The following ADD3 variants were observed in gnomAD, a reference collection of about 807,000 sequenced individuals.
ADD3 encodes adducin 3, also known as gamma-adducin.
Under a neutral mutation model 80.2 loss-of-function variants are expected in ADD3, and 25 were observed. The ratio of observed to expected loss-of-function variants is 0.31; its 90% confidence interval spans 0.23 to 0.44. The LOEUF (loss-of-function observed/expected upper bound fraction) is 0.44, where lower values mean the gene tolerates loss of function less well. Among genes scored for constraint, ADD3 ranks in the 20% least tolerant of loss-of-function variants. The probability of loss-of-function intolerance (pLI) is 1.00; values close to 1 mark genes in which losing one functional copy is unlikely to be tolerated. For synonymous variants in ADD3, 284 were observed against 289.6 expected (o/e 0.98, Z 0.20); for missense variants, 829 against 847.5 (o/e 0.98, Z 0.27).
At chr10:110,029,651 A>G (rs1854753161) in intron 1 of ADD3, among the ~76,000 whole-genome samples, 1 of 152,222 alleles carries the variant, frequency 6.6e-6, no homozygotes, top group Non-Finnish European at 1.5e-5. Context: ...TGTTCTTGGA[A>G]ATCAGTCACA....
At chr10:110,063,754 T>TA (rs1843533395) in intron 1 of ADD3, among the ~76,000 whole-genome samples, 1 of 58,538 alleles carries the variant, frequency 1.7e-5, no homozygotes, top group African/African-American at 4.9e-5. Context: ...TATATATATA[T>TA]ATATATATAT....
At chr10:110,037,227 T>C (rs186543840) in intron 1 of ADD3, among the ~76,000 whole-genome samples, 1 of 152,328 alleles carries the variant, frequency 6.6e-6, no homozygotes, top group East Asian at 1.9e-4. Context: ...GTTTCAGTCT[T>C]ACCATGGGTT....
chr10:110,052,856 A>G (rs1351039801), intron 1 of ADD3, among the ~76,000 whole-genome samples: 1 of 152,220 alleles, frequency 6.6e-6, no homozygotes, highest in African/African-American at 2.4e-5. Flanking sequence ...TGAAGTAGAA[A>G]AGGTGAATTT....
chr10:110,040,080 A>G (rs891492608), intron 1 of ADD3, among the ~76,000 whole-genome samples: 3 of 152,170 alleles, frequency 2.0e-5, no homozygotes, highest in African/African-American at 4.8e-5. Context: ...GGGACTACAC[A>G]TGGTTGTGAA....
At position 110,134,266 on chromosome 10, in the gene ADD3, G is replaced by A. The variant is rs1294538169; in HGVS notation, c.*648G>A. 6.6e-6 allele frequency: 1 copy of A among 151,400 alleles called. No individual in the cohort carries two copies. Among genetic ancestry groups the A allele is most frequent in the Non-Finnish European group, 1.5e-5 (1 of 67,876 alleles). The allele number at this position is 151,400 out of a possible 1,614,324, so 9.4% of individuals were successfully genotyped here. ...ACTTCCTTTTTTATTAGTTTAGAAA[G>A]CCCCTTATTTTTCAACAAAGGGGAT... is the stretch of plus-strand genomic sequence containing the variant. On this transcript the variant is annotated 3_prime_UTR_variant, in exon 15 of 15. Coordinates refer to ENST00000356080, the MANE Select transcript of ADD3 (RefSeq NM_016824.5).
intron 1 of ADD3, among the ~76,000 whole-genome samples, chr10:110,024,930 CTTTTT>C (rs769862106): frequency 7.1e-6 from 1 of 141,476 alleles, no homozygotes; most frequent in Non-Finnish European, 1.6e-5. Flanking sequence ...CTCCTCTTTT[CTTTTT>C]TTTTTTTTTG....
chr10:110,058,737 A>G (rs149564743), intron 1 of ADD3, among the ~76,000 whole-genome samples: 10 of 152,150 alleles, frequency 6.6e-5, no homozygotes, highest in Non-Finnish European at 1.3e-4. Context: ...TGAGCCTTTT[A>G]TGTATGTTGA....
intron 1 of ADD3, among the ~76,000 whole-genome samples, chr10:110,049,901 A>AG (rs1344369586): frequency 1.3e-5 from 2 of 152,060 alleles, no homozygotes; most frequent in Non-Finnish European, 2.9e-5. Flanking sequence ...AAAAAAAAAA[A>AG]AAAAGATTTG....
Position 110,132,304 on chromosome 10 carries a change from G to A in ADD3, c.1733-1G>A, listed in dbSNP as rs147358716. ...CTTTTAACTAAACTCTTATCCAACA[G>A]ATGCTGAGCAGGAATTACTCTCAGA... On this transcript the variant is annotated splice_acceptor_variant, in intron 13 of 14. Coordinates refer to ENST00000356080, the MANE Select transcript of ADD3 (RefSeq NM_016824.5). LOFTEE classifies it high-confidence loss of function. 57 of 1,610,672 alleles carry A rather than the reference G, an allele frequency of 3.5e-5. No individual in the cohort carries two copies. The African/African-American group carries it at 5.9e-4, about 17-fold the overall frequency.
chr10:110,097,777 C>CTTT lies in ADD3; in HGVS notation c.-29-2835_-29-2833dup, dbSNP rs137999902. 1.7e-4 allele frequency among the ~76,000 whole-genome samples: 23 copies of CTTT among 137,158 alleles called. No individual in the cohort carries two copies. The East Asian group carries it at 4.8e-3, about 28-fold the overall frequency. 90.0% of individuals were successfully genotyped at this position (137,158 alleles called of 152,430 possible). A position where few individuals can be genotyped will look rare whatever the true frequency, so the allele number is the denominator to read the frequency against. On this transcript the variant is annotated intron_variant, in intron 1 of 14. Transcript: ENST00000356080. ...TTACAGTTCCTTAGTCTTTGTTTTT[C>CTTT]TTTTTTTTTTTTTTTGAGATAGAGT...
At chr10:110,044,910 A>T (rs1456360874) in intron 1 of ADD3, among the ~76,000 whole-genome samples, 1 of 152,250 alleles carries the variant, frequency 6.6e-6, no homozygotes, top group Admixed American at 6.5e-5. Context: ...GCATTTGGCT[A>T]TGTGCATTTG....
At position 110,133,522 on chromosome 10, in the gene ADD3, A is replaced by G. The variant is rs1291697566; in HGVS notation, c.2025A>G (p.Glu675=). The change falls in exon 15 of 15, where the codon GAA becomes GAG. Residue 675 remains glutamate (E), a synonymous_variant. Coordinates refer to ENST00000356080, the MANE Select transcript of ADD3 (RefSeq NM_016824.5). The part of the protein sequence containing the change: ...PEKIEEVLSP[E]GSPSKSPSKK... ...AAATCGAAGAAGTCCTGTCACCTGA[A>G]GGCTCCCCTTCAAAATCGCCATCCA... The G allele has an allele frequency of 6.2e-7, 1 of 1,613,374 alleles. No homozygotes were observed. The highest frequency in any genetic ancestry group is 2.2e-5 in the East Asian group (1 of 44,850).
rs201729776 is a variant in ADD3 at position 110,030,248 on chromosome 10, A to G, written c.-30+21949A>G. 1.9e-4 allele frequency among the ~76,000 whole-genome samples: 28 copies of G among 150,852 alleles called. No homozygotes were observed. In the East Asian group the frequency reaches 5.2e-3, roughly 28 times the overall value. Reference sequence around the variant, plus strand: ...TGAGGCAGGAGAATCACTTGAACCCAGGAGGCGGAGGTTGCGGTGAGCCAA... The same window carrying G: ...TGAGGCAGGAGAATCACTTGAACCCGGGAGGCGGAGGTTGCGGTGAGCCAA... On this transcript the variant is annotated intron_variant, in intron 1 of 14. Transcript: ENST00000356080.
At chr10:110,021,437 A>G (rs1853658370) in intron 1 of ADD3, among the ~76,000 whole-genome samples, 1 of 152,254 alleles carries the variant, frequency 6.6e-6, no homozygotes, top group African/African-American at 2.4e-5. Flanking sequence ...AACATTATTC[A>G]TAATAGCCCA....
intron 1 of ADD3, among the ~76,000 whole-genome samples, chr10:110,087,089 C>T (rs941491422): frequency 3.3e-5 from 5 of 151,944 alleles, no homozygotes; most frequent in East Asian, 1.9e-4. Flanking sequence ...TGCAGTGGCA[C>T]GCCATCTCAG....
intron 1 of ADD3, among the ~76,000 whole-genome samples, chr10:110,049,011 C>G (rs1642621258): frequency 6.6e-6 from 1 of 152,204 alleles, no homozygotes; most frequent in Non-Finnish European, 1.5e-5. Flanking sequence ...GGCCCAGAGT[C>G]CCCCTGCTGT....
intron 1 of ADD3, among the ~76,000 whole-genome samples, chr10:110,009,901 T>C (rs1021712766): frequency 6.6e-6 from 1 of 152,220 alleles, no homozygotes; most frequent in Non-Finnish European, 1.5e-5. Context: ...ATATATGATA[T>C]CAGGAAATGT....
chr10:110,099,272 G>GT (rs1204328990), intron 1 of ADD3, among the ~76,000 whole-genome samples: 1 of 151,286 alleles, frequency 6.6e-6, no homozygotes, highest in Non-Finnish European at 1.5e-5. Flanking sequence ...GTGATTTACT[G>GT]TAAGTACTAT....
intron 12 of ADD3, among the ~76,000 whole-genome samples, chr10:110,129,150 C>CTTTTTTTTTTTT (rs746835809): frequency 7.2e-6 from 1 of 138,306 alleles, no homozygotes; most frequent in Non-Finnish European, 1.6e-5. Context: ...TTCTTTCTTT[C>CTTTTTTTTTTTT]TTTTTTTTTT....
Sources: allele counts gnomAD v4.1 joint callset (sites outside exome capture counted in the v4.1 genomes callset), GRCh38; gene constraint gnomAD v4.1.1; transcripts MANE v1.5; gene names NCBI Gene and HGNC (gene_info 2026-07-23, HGNC 2026-07-21).